Variants in CATSPERE observed in about 807,000 individuals in gnomAD.
CATSPERE encodes cation channel sperm-associated auxiliary subunit epsilon.
In CATSPERE, 93 loss-of-function variants were observed where a neutral mutation model predicts 114.1. That is an observed-to-expected ratio of 0.81 (90% CI 0.69 to 0.97). CATSPERE has a LOEUF of 0.97. Ranked by LOEUF, CATSPERE falls within the 50% of genes least tolerant of loss-of-function variation. CATSPERE has a pLI of 0.00. For synonymous variants in CATSPERE, 341 were observed against 384.1 expected (o/e 0.89, Z 1.31); for missense variants, 1,058 against 1,131.6 (o/e 0.93, Z 0.93).
Position 244,621,315 on chromosome 1 carries a change from AATATAT to A in CATSPERE, c.2648+3654_2648+3659del, listed in dbSNP as rs201672348. ...TCTATATAAATATATAAATATATAA[AATATAT>A]ATATATATATATATATATATATATT... On this transcript the variant is annotated intron_variant, in intron 20 of 21. Coordinates refer to ENST00000366534, the MANE Select transcript of CATSPERE (RefSeq NM_001130957.2). Among the ~76,000 whole-genome samples the A allele has an allele frequency of 1.9e-3, 49 of 26,314 alleles. 8 individuals are homozygous for A. Among genetic ancestry groups the A allele is most frequent in the African/African-American group, 7.7e-3 (48 of 6,218 alleles). The allele number at this position is 26,314 out of a possible 152,430, so 17.3% of individuals were successfully genotyped here.
intron 8 of CATSPERE, among the ~76,000 whole-genome samples, chr1:244,541,340 G>A (rs1350477509): frequency 6.7e-6 from 1 of 149,304 alleles, no homozygotes; most frequent in African/African-American, 2.5e-5. Flanking sequence ...TCAAAAAGTG[G>A]GCGAAGGACA....
chr1:244,562,153 CAAAAA>C (rs11313998), intron 10 of CATSPERE, among the ~76,000 whole-genome samples: 4 of 70,156 alleles, frequency 5.7e-5, no homozygotes, highest in East Asian at 3.9e-4. Flanking sequence ...GATCCTGTCT[CAAAAA>C]AAAAAAAAAA....
chr1:244,490,885 G>C lies in CATSPERE; in HGVS notation c.351+414G>C, dbSNP rs546313838. Among the ~76,000 whole-genome samples, 12 of 151,578 alleles carry C rather than the reference G, an allele frequency of 7.9e-5. No homozygotes were observed. The East Asian group carries it at 1.7e-3, about 22-fold the overall frequency. On this transcript the variant is annotated intron_variant, in intron 6 of 21. Transcript: ENST00000366534. ...CATATAATAAATTTACCATAGTCTT[G>C]AAAAAAAATTATCTTTAAATGTTCT...
At chr1:244,542,473 C>G (rs931294938) in intron 8 of CATSPERE, among the ~76,000 whole-genome samples, 1 of 152,056 alleles carries the variant, frequency 6.6e-6, no homozygotes, top group Non-Finnish European at 1.5e-5. Flanking sequence ...AACCCTCACT[C>G]CCCTCCCACC....
chr1:244,599,815 A>T (rs965497815), intron 17 of CATSPERE, among the ~76,000 whole-genome samples: 1 of 152,196 alleles, frequency 6.6e-6, no homozygotes, highest in Admixed American at 6.5e-5. Flanking sequence ...GAGAAGCCAG[A>T]CTGCAGGGGG....
At chr1:244,540,901 G>A (rs1222033675) in intron 8 of CATSPERE, among the ~76,000 whole-genome samples, 6 of 69,960 alleles carry the variant, frequency 8.6e-5, no homozygotes, top group Admixed American at 1.8e-4. Flanking sequence ...AACAAGCAAT[G>A]GGGAAAGGAT....
At chr1:244,509,773 A>G (rs961537709) in intron 7 of CATSPERE, among the ~76,000 whole-genome samples, 3 of 152,176 alleles carry the variant, frequency 2.0e-5, no homozygotes, top group Non-Finnish European at 4.4e-5. Flanking sequence ...TGGTCTATTC[A>G]GGTTTTCTAT....
In CATSPERE at chr1:244,461,588, G is replaced by A. The variant is rs929547090; in HGVS notation, c.65+94G>A. On this transcript the variant is annotated intron_variant, in intron 1 of 21. Transcript: ENST00000366534. Reference sequence around the variant, plus strand: ...CCTGCTCTCCACCCCATGCGCCTCGGGACCGCTCGCCCTGGCCGACCACTG... The same window carrying A: ...CCTGCTCTCCACCCCATGCGCCTCGAGACCGCTCGCCCTGGCCGACCACTG... 8.4e-5 allele frequency: 87 copies of A among 1,039,896 alleles called. No homozygotes were observed. The East Asian group carries it at 1.1e-3, about 13-fold the overall frequency. 64.4% of individuals were successfully genotyped at this position (1,039,896 alleles called of 1,614,324 possible).
At chr1:244,543,315 G>C (rs1659170188) in intron 8 of CATSPERE, among the ~76,000 whole-genome samples, 1 of 152,082 alleles carries the variant, frequency 6.6e-6, no homozygotes, top group African/African-American at 2.4e-5. Flanking sequence ...TAAAAAGAAG[G>C]AAATTCTGTC....
chr1:244,456,748 C>T (rs1183283718), upstream of CATSPERE, among the ~76,000 whole-genome samples: 1 of 152,160 alleles, frequency 6.6e-6, no homozygotes, highest in Non-Finnish European at 1.5e-5. Flanking sequence ...AGCCATGCCC[C>T]TAGTTATGCT....
chr1:244,639,632 G>C (rs1675098971), intron 21 of CATSPERE, among the ~76,000 whole-genome samples: 1 of 149,264 alleles, frequency 6.7e-6, no homozygotes, highest in Admixed American at 6.7e-5. Context: ...AGGGCTTCCA[G>C]TGAGCCATTG....
At chr1:244,587,461 G>A (rs1348765920) in intron 13 of CATSPERE, among the ~76,000 whole-genome samples, 1 of 152,194 alleles carries the variant, frequency 6.6e-6, no homozygotes, top group Non-Finnish European at 1.5e-5. Flanking sequence ...GCTATATGAT[G>A]CCATTGTTTG....
intron 20 of CATSPERE, among the ~76,000 whole-genome samples, chr1:244,627,935 G>A (rs1025706124): frequency 7.9e-5 from 12 of 152,326 alleles, no homozygotes; most frequent in Middle Eastern, 6.8e-3. Context: ...CCTGGGATGT[G>A]AATGATCTCT....
chr1:244,476,194 C>T (rs1467449614), intron 2 of CATSPERE, among the ~76,000 whole-genome samples: 1 of 151,986 alleles, frequency 6.6e-6, no homozygotes, highest in Non-Finnish European at 1.5e-5. Flanking sequence ...AATCCCAGCA[C>T]TTTGGGACGC....
intron 8 of CATSPERE, among the ~76,000 whole-genome samples, chr1:244,551,908 C>T (rs1354584936): frequency 6.6e-6 from 1 of 151,594 alleles, no homozygotes; most frequent in African/African-American, 2.4e-5. Context: ...ACTAAAAATA[C>T]AAAGAATTAG....
intron 6 of CATSPERE, among the ~76,000 whole-genome samples, chr1:244,495,566 C>T (rs1465737260): frequency 6.6e-6 from 1 of 151,958 alleles, no homozygotes; most frequent in Non-Finnish European, 1.5e-5. Context: ...ACTAAAGATA[C>T]AAAAATTATT....
At chr1:244,578,679 GTCTC>G (rs916810480) in intron 11 of CATSPERE, among the ~76,000 whole-genome samples, 2 of 145,152 alleles carry the variant, frequency 1.4e-5, no homozygotes, top group East Asian at 2.0e-4. Flanking sequence ...CTCTCTCTCT[GTCTC>G]TCTCTCTCTC....
chr1:244,541,990 C>A (rs1050334653), intron 8 of CATSPERE, among the ~76,000 whole-genome samples: 7 of 125,048 alleles, frequency 5.6e-5, no homozygotes, highest in African/African-American at 2.3e-4. Context: ...GGGAACGTCA[C>A]ACTCTGGGGA....
intron 5 of CATSPERE, among the ~76,000 whole-genome samples, chr1:244,488,835 T>C (rs1671491750): frequency 6.6e-6 from 1 of 152,192 alleles, no homozygotes; most frequent in African/African-American, 2.4e-5. Flanking sequence ...AGATATATAG[T>C]AGCTATTTTC....
Sources: allele counts gnomAD v4.1 joint callset (sites outside exome capture counted in the v4.1 genomes callset), GRCh38; gene constraint gnomAD v4.1.1; transcripts MANE v1.5; gene names NCBI Gene and HGNC (gene_info 2026-07-23, HGNC 2026-07-21).